The following NBEA variants were observed in gnomAD, a reference collection of about 807,000 sequenced individuals.
NBEA encodes the protein lysosomal-trafficking regulator 2.
NBEA carries 44 observed loss-of-function variants against 343.4 expected under a neutral mutation model. The ratio of observed to expected loss-of-function variants is 0.13; its 90% CI spans 0.10 to 0.16. The LOEUF is 0.16. NBEA is among the 10% of genes least tolerant of loss of function. NBEA has a pLI of 1.00. For missense variants in NBEA, 2,555 were observed against 3,631.3 expected (o/e 0.70, Z 7.62); for synonymous variants, 1,175 against 1,238.7 (o/e 0.95, Z 1.08).
At chr13:35,151,243 C>A (rs2068765690) in intron 18 of NBEA, among the ~76,000 whole-genome samples, 1 of 149,892 alleles carries the variant, frequency 6.7e-6, no homozygotes, top group Non-Finnish European at 1.5e-5. Context: ...ATATAATAAA[C>A]AATAAATTTG....
intron 41 of NBEA, among the ~76,000 whole-genome samples, chr13:35,535,333 A>G (rs2078485788): frequency 6.6e-6 from 1 of 151,680 alleles, no homozygotes; most frequent in African/African-American, 2.4e-5. Context: ...TTTGTTTTTT[A>G]TGTTAAACTT....
chr13:35,197,244 A>T (rs2072680837), intron 31 of NBEA, among the ~76,000 whole-genome samples: 1 of 152,190 alleles, frequency 6.6e-6, no homozygotes, highest in Non-Finnish European at 1.5e-5. Context: ...AAAGTAAATC[A>T]TTGTTATTGA....
chr13:35,321,471 T>C (rs529006570), intron 36 of NBEA, among the ~76,000 whole-genome samples: 33 of 152,242 alleles, frequency 2.2e-4, no homozygotes, highest in African/African-American at 7.7e-4. Context: ...TGGAAGCTTT[T>C]TCCCAGAGTG....
intron 34 of NBEA, among the ~76,000 whole-genome samples, chr13:35,244,801 GT>G (rs2030926254): frequency 6.6e-6 from 1 of 151,898 alleles, no homozygotes; most frequent in African/African-American, 2.4e-5. Context: ...CTTCAGCAGT[GT>G]TTTGTAGTTT....
chr13:35,055,594 T>C (rs922369994), intron 6 of NBEA, among the ~76,000 whole-genome samples: 1 of 152,200 alleles, frequency 6.6e-6, no homozygotes, highest in Admixed American at 6.5e-5. Flanking sequence ...GTAATCACCA[T>C]GATTTATAAT....
intron 41 of NBEA, among the ~76,000 whole-genome samples, chr13:35,480,833 A>G (rs1386447611): frequency 6.6e-6 from 1 of 151,984 alleles, no homozygotes; most frequent in Non-Finnish European, 1.5e-5. Flanking sequence ...TTTTTCTGGT[A>G]ACCTAATTTG....
At chr13:35,222,712 GT>G (rs1368060832) in intron 33 of NBEA, among the ~76,000 whole-genome samples, 5 of 152,088 alleles carry the variant, frequency 3.3e-5, no homozygotes, top group African/African-American at 1.2e-4. Context: ...ATCAGACTCA[GT>G]TTTTAATATT....
chr13:35,333,557 T>G lies in NBEA; in HGVS notation c.5904-15551T>G, dbSNP rs184225775. 2.6e-5 allele frequency among the ~76,000 whole-genome samples: 4 copies of G among 152,206 alleles called. No individual in the cohort carries two copies. The South Asian group carries it at 6.2e-4, about 24-fold the overall frequency. ...TGTTACAAACAATACAATTATACTT[T>G]TAGTTATTTTTAAATATACAATTAA... On this transcript the variant is annotated intron_variant, in intron 36 of 58. Coordinates refer to ENST00000379939, the MANE Select transcript of NBEA (RefSeq NM_001385012.1).
chr13:35,488,328 A>G (rs1054076191), intron 41 of NBEA, among the ~76,000 whole-genome samples: 1 of 151,858 alleles, frequency 6.6e-6, no homozygotes, highest in Non-Finnish European at 1.5e-5. Flanking sequence ...TTTACTAAAT[A>G]CTCCACAGCC....
chr13:35,663,679 AT>A (rs1011426442), intron 55 of NBEA, among the ~76,000 whole-genome samples: 6 of 151,610 alleles, frequency 4.0e-5, no homozygotes, highest in Admixed American at 2.6e-4. Context: ...CTTTGAAACA[AT>A]TTTTTTTTCT....
At chr13:35,591,773 A>G (rs1566374768) in intron 46 of NBEA, among the ~76,000 whole-genome samples, 1 of 152,116 alleles carries the variant, frequency 6.6e-6, no homozygotes, top group Non-Finnish European at 1.5e-5. Context: ...GGGGCAAAGT[A>G]TGTCCCCTTT....
chr13:34,974,831 T>C (rs2060112457), intron 1 of NBEA, among the ~76,000 whole-genome samples: 1 of 152,200 alleles, frequency 6.6e-6, no homozygotes, highest in Non-Finnish European at 1.5e-5. Flanking sequence ...ATTCTACCAG[T>C]TAGCAGCACA....
At chr13:35,664,915 G>T (rs550275606) in intron 55 of NBEA, among the ~76,000 whole-genome samples, 170 bp from the exon 56 acceptor site, 1 of 152,228 alleles carries the variant, frequency 6.6e-6, no homozygotes, top group South Asian at 2.1e-4. Context: ...CTAGTTATGC[G>T]CATTTCACAA....
At position 35,081,179 on chromosome 13, in the gene NBEA, A is replaced by G. The variant is rs115129912; in HGVS notation, c.1571+10327A>G. Among the ~76,000 whole-genome samples the G allele has an allele frequency of 4.7e-3, 719 of 152,030 alleles. 6 individuals are homozygous for G. Among genetic ancestry groups the G allele is most frequent in the African/African-American group, 0.016 (674 of 41,450 alleles). ...TTCATGGGGGAATAGCAGGAGTCCT[A>G]TTTTTCTGGTGGCTGTATATCTCAT... On this transcript the variant is annotated intron_variant, in intron 10 of 58. Transcript: ENST00000379939.
At chr13:35,043,567 T>C (rs2062733737) in intron 2 of NBEA, among the ~76,000 whole-genome samples, 1 of 151,914 alleles carries the variant, frequency 6.6e-6, no homozygotes, top group Admixed American at 6.6e-5. Flanking sequence ...GACCTATATG[T>C]ACTAATATTT....
At chr13:35,204,301 G>A (rs1013307130) in intron 31 of NBEA, among the ~76,000 whole-genome samples, 14 of 152,068 alleles carry the variant, frequency 9.2e-5, no homozygotes, top group African/African-American at 2.7e-4. Flanking sequence ...AAGACATACC[G>A]AAGCCTGGGA....
At chr13:35,232,802 G>A (rs575884368) in intron 34 of NBEA, among the ~76,000 whole-genome samples, 183 bp downstream of exon 34, 1 of 152,008 alleles carries the variant, frequency 6.6e-6, no homozygotes, top group Non-Finnish European at 1.5e-5. Flanking sequence ...ATGTTTGCAT[G>A]GTCAATGCCA....
chr13:34,945,686 A>G (rs1217738078), intron 1 of NBEA, among the ~76,000 whole-genome samples: 1 of 152,172 alleles, frequency 6.6e-6, no homozygotes, highest in Non-Finnish European at 1.5e-5. Flanking sequence ...AAACTTCAAA[A>G]AAAAGAGGAG....
intron 41 of NBEA, chr13:35,475,437 G>T (rs1008195725): frequency 6.2e-7 from 1 of 1,613,214 alleles, no homozygotes; most frequent in South Asian, 1.1e-5. Flanking sequence ...CTGCCTCCGC[G>T]AACTGCAGCA....
Sources: allele counts gnomAD v4.1 joint callset (sites outside exome capture counted in the v4.1 genomes callset), GRCh38; gene constraint gnomAD v4.1.1; transcripts MANE v1.5; gene names NCBI Gene and HGNC (gene_info 2026-07-23, HGNC 2026-07-21).